Variants in SV2C observed in about 807,000 individuals in gnomAD.
SV2C encodes the protein synaptic vesicle glycoprotein 2C, also known as solute carrier family 22 member B3.
SV2C carries 49 observed loss-of-function variants against 79.7 expected under a neutral mutation model. The observed-to-expected ratio is 0.61, with a 90% CI of 0.49 to 0.78. The LOEUF (loss-of-function observed/expected upper bound fraction) is 0.78, where lower values mean the gene tolerates loss of function less well. Among genes scored for constraint, SV2C ranks in the 30% least tolerant of loss-of-function variants. The pLI, the probability that SV2C is intolerant of heterozygous loss-of-function variation, is 0.00. For missense variants in SV2C, 833 were observed against 912.9 expected (o/e 0.91, Z 1.13); for synonymous variants, 334 against 333.2 (o/e 1.00, Z -0.03).
chr5:75,970,697 A>G, the SV2C span, among the ~76,000 whole-genome samples: 44 of 152,202 alleles, frequency 2.9e-4, no homozygotes, highest in African/African-American at 1.0e-3. Context: ...TTACCAACCA[A>G]AAAAAGTCCA....
chr5:76,244,194 C>T (rs1056618901), intron 4 of SV2C, among the ~76,000 whole-genome samples: 2 of 152,206 alleles, frequency 1.3e-5, no homozygotes, highest in Non-Finnish European at 2.9e-5. Context: ...TAGAAAAGAA[C>T]CAAACACGGT....
chr5:76,140,726 A>G (rs1236409523), intron 2 of SV2C, among the ~76,000 whole-genome samples: 1 of 152,112 alleles, frequency 6.6e-6, no homozygotes, highest in African/African-American at 2.4e-5. Context: ...TTGGCATCTG[A>G]GTGTGGCCTA....
chr5:75,914,542 G>A, the SV2C span, among the ~76,000 whole-genome samples: 1 of 152,270 alleles, frequency 6.6e-6, no homozygotes, highest in South Asian at 2.1e-4. Flanking sequence ...GTCAGCATTT[G>A]TTACAGAGGG....
At chr5:76,320,715 A>G (rs1748800842) in intron 12 of SV2C, among the ~76,000 whole-genome samples, 1 of 152,162 alleles carries the variant, frequency 6.6e-6, no homozygotes, top group African/African-American at 2.4e-5. Flanking sequence ...GGCTCAAGCA[A>G]TTTCATTTGA....
chr5:75,935,178 A>T, the SV2C span, among the ~76,000 whole-genome samples: 1 of 152,224 alleles, frequency 6.6e-6, no homozygotes, highest in African/African-American at 2.4e-5. Context: ...ATTAAATAAA[A>T]TAAAAAATTC....
intron 2 of SV2C, among the ~76,000 whole-genome samples, chr5:76,146,800 A>ATT (rs1749444892): frequency 2.4e-4 from 33 of 138,748 alleles, no homozygotes; most frequent in Admixed American, 4.2e-4. Context: ...TTTTTTTTAA[A>ATT]AAAAAAAAAA....
rs187490244 is a variant in SV2C at position 76,214,510 on chromosome 5, G to A, written c.913+4623G>A. ...CTCAAGGTTACTTTAGCTACTCAGGGTCTTTTGTTGTTCCATACAGATTTT... is the reference window on the plus strand; with the variant it reads ...CTCAAGGTTACTTTAGCTACTCAGGATCTTTTGTTGTTCCATACAGATTTT... On this transcript the variant is annotated intron_variant, in intron 4 of 12. Coordinates refer to ENST00000502798, the MANE Select transcript of SV2C (RefSeq NM_014979.4). Among the ~76,000 whole-genome samples, 463 of 152,234 alleles carry A rather than the reference G, an allele frequency of 3.0e-3. 1 individual carries two copies. Among genetic ancestry groups the A allele is most frequent in the Middle Eastern group, 0.01 (3 of 294 alleles).
chr5:75,991,438 T>C, the SV2C span, among the ~76,000 whole-genome samples: 1 of 151,230 alleles, frequency 6.6e-6, no homozygotes, highest in East Asian at 1.9e-4. Context: ...AATTTAAATA[T>C]ATTTATAAGC....
intron 4 of SV2C, among the ~76,000 whole-genome samples, chr5:76,220,180 C>A (rs1011968973): frequency 6.6e-6 from 1 of 152,124 alleles, no homozygotes. Context: ...TAAATGAAAT[C>A]AATTGTTTCA....
intron 4 of SV2C, among the ~76,000 whole-genome samples, chr5:76,250,305 T>C (rs964283127): frequency 2.0e-5 from 3 of 152,188 alleles, no homozygotes; most frequent in East Asian, 1.9e-4. Context: ...CCTACATGTG[T>C]TTTAAACCAA....
chr5:76,325,564 C>G lies in SV2C; in HGVS notation c.*17C>G. ...CTGATGTAATGGGAAAAAAAGCCAT[C>G]CTTCCTGCGTTTCTTCCTCCTGCCC... On this transcript the variant is annotated 3_prime_UTR_variant, in exon 13 of 13. Coordinates refer to ENST00000502798, the MANE Select transcript of SV2C (RefSeq NM_014979.4). 1 of 1,612,190 alleles carries G rather than the reference C, an allele frequency of 6.2e-7. No homozygotes were observed. Among genetic ancestry groups the G allele is most frequent in the Non-Finnish European group, 8.5e-7 (1 of 1,179,102 alleles).
intron 1 of SV2C, among the ~76,000 whole-genome samples, chr5:76,085,986 T>C (rs1747182106): frequency 6.6e-6 from 1 of 152,132 alleles, no homozygotes; most frequent in Admixed American, 6.5e-5. Context: ...TCCAATGCCA[T>C]TAGCTACTGA....
intron 12 of SV2C, among the ~76,000 whole-genome samples, chr5:76,341,871 G>A (rs1006487586): frequency 1.9e-4 from 29 of 152,148 alleles, no homozygotes; most frequent in African/African-American, 6.5e-4. Context: ...TGGTGGGGAG[G>A]GGGTGGAACC....
the SV2C span, among the ~76,000 whole-genome samples, chr5:75,999,277 T>C: frequency 6.6e-6 from 1 of 151,748 alleles, no homozygotes; most frequent in Admixed American, 6.6e-5. Context: ...TGTATGTGTG[T>C]ATGTACATAT....
At chr5:76,158,272 AG>A (rs1742797828) in intron 2 of SV2C, among the ~76,000 whole-genome samples, 1 of 151,956 alleles carries the variant, frequency 6.6e-6, no homozygotes, top group African/African-American at 2.4e-5. Context: ...AAAAACAAAA[AG>A]CAAGATTGAA....
intron 12 of SV2C, among the ~76,000 whole-genome samples, chr5:76,340,641 A>C (rs1361132473): frequency 6.6e-6 from 1 of 152,210 alleles, no homozygotes; most frequent in African/African-American, 2.4e-5. Flanking sequence ...CCTATCCGCA[A>C]AATGCCCAGC....
chr5:76,078,208 C>G, the SV2C span, among the ~76,000 whole-genome samples: 5 of 152,130 alleles, frequency 3.3e-5, no homozygotes, highest in Non-Finnish European at 7.4e-5. Flanking sequence ...ACAAGTGATG[C>G]AAGCATTGGA....
At chr5:76,211,746 T>A (rs562045746) in intron 4 of SV2C, among the ~76,000 whole-genome samples, 13 of 152,334 alleles carry the variant, frequency 8.5e-5, no homozygotes, top group African/African-American at 3.1e-4. Flanking sequence ...ATTGCTAAAA[T>A]CAGACATAGA....
At chr5:76,283,088 G>A (rs913764126) in intron 4 of SV2C, among the ~76,000 whole-genome samples, 9 of 152,086 alleles carry the variant, frequency 5.9e-5, no homozygotes, top group Admixed American at 5.2e-4. Context: ...GCTGAGGTGG[G>A]CAGATCACGA....
Sources: allele counts gnomAD v4.1 joint callset (sites outside exome capture counted in the v4.1 genomes callset), GRCh38; gene constraint gnomAD v4.1.1; transcripts MANE v1.5; gene names NCBI Gene and HGNC (gene_info 2026-07-23, HGNC 2026-07-21).